XPR1: variants seen among roughly 807,000 people sequenced by gnomAD.
XPR1 encodes the protein solute carrier family 53 member 1.
In XPR1, 28 loss-of-function variants were observed where a neutral mutation model predicts 87.5. The observed-to-expected ratio is 0.32, with a 90% CI of 0.24 to 0.44. The LOEUF is 0.44. Among genes scored for constraint, XPR1 ranks in the 20% least tolerant of loss-of-function variants. The pLI, the probability that XPR1 is intolerant of heterozygous loss-of-function variation, is 1.00. For missense variants in XPR1, 559 were observed against 862.3 expected (o/e 0.65, Z 4.41); for synonymous variants, 300 against 306.1 (o/e 0.98, Z 0.21).
intron 1 of XPR1, among the ~76,000 whole-genome samples, chr1:180,632,626 C>T (rs771450694): frequency 6.6e-6 from 1 of 152,250 alleles, no homozygotes; most frequent in Non-Finnish European, 1.5e-5. Context: ...GCGCTAATCC[C>T]CTTCTCCCCA....
At chr1:180,735,502 T>C (rs1658698727) in intron 2 of XPR1, among the ~76,000 whole-genome samples, 2 of 152,234 alleles carry the variant, frequency 1.3e-5, no homozygotes, top group Non-Finnish European at 2.9e-5. Flanking sequence ...TGAATAATAC[T>C]GTGTCACACC....
intron 2 of XPR1, among the ~76,000 whole-genome samples, chr1:180,758,114 T>TACACACACACACACACACACACACAC (rs71121050): frequency 8.5e-5 from 12 of 141,092 alleles, no homozygotes; most frequent in Non-Finnish European, 1.9e-4. Flanking sequence ...TATAGAAGGA[T>TACACACACACACACACACACACACAC]ACACACACAC....
chr1:180,837,619 A>G (rs1046720204), intron 11 of XPR1, among the ~76,000 whole-genome samples: 5 of 152,200 alleles, frequency 3.3e-5, no homozygotes, highest in Non-Finnish European at 7.3e-5. Context: ...TGATATTTAT[A>G]ATATAATTCC....
chr1:180,696,165 G>GGTGTGT lies in XPR1; in HGVS notation c.121+13793_121+13798dup, dbSNP rs59249501. On this transcript the variant is annotated intron_variant, in intron 2 of 14. Transcript: ENST00000367590. Reference sequence around the variant, plus strand: ...GCCTCCTTCGTTAAATTTATTCCTGGGTGTGTGTGTGTGTGTGTGTGTGTG... The same window carrying GGTGTGT: ...GCCTCCTTCGTTAAATTTATTCCTGGGTGTGTGTGTGTGTGTGTGTGTGTGTGTGTG... Among the ~76,000 whole-genome samples the GGTGTGT allele has an allele frequency of 4.3e-3, 438 of 102,948 alleles. 2 individuals are homozygous for GGTGTGT. Among genetic ancestry groups the GGTGTGT allele is most frequent in the African/African-American group, 4.3e-3 (121 of 28,214 alleles). 67.5% of individuals were successfully genotyped at this position (102,948 alleles called of 152,430 possible). A position where few individuals can be genotyped will look rare whatever the true frequency, so the allele number is the denominator to read the frequency against.
chr1:180,877,827 C>A (rs952018351), intron 13 of XPR1: 2 of 152,144 alleles, frequency 1.3e-5, no homozygotes, highest in Non-Finnish European at 2.9e-5. Flanking sequence ...AAAATGAAAT[C>A]TTTAATGTGC....
At chr1:180,683,902 T>C (rs1656674252) in intron 2 of XPR1, among the ~76,000 whole-genome samples, 1 of 151,976 alleles carries the variant, frequency 6.6e-6, no homozygotes, top group Non-Finnish European at 1.5e-5. Flanking sequence ...TTTTCTCCCA[T>C]TCTGTAGGTT....
rs976201525 is a variant in XPR1, at chr1:180,889,712, T to C, written c.*5646T>C. The C allele has an allele frequency of 6.6e-6, 1 of 152,266 alleles. No homozygotes were observed. The highest frequency in any genetic ancestry group is 2.4e-5 in the African/African-American group (1 of 41,478). 9.4% of individuals were successfully genotyped at this position (152,266 alleles called of 1,614,324 possible). On this transcript the variant is annotated 3_prime_UTR_variant, in exon 15 of 15. Transcript: ENST00000367590. Reference sequence around the variant, plus strand: ...CCATTTTCTGGATTAGCACAGAAGCTTGTATCAATGAAGAGTATTTAGGAG... The same window carrying C: ...CCATTTTCTGGATTAGCACAGAAGCCTGTATCAATGAAGAGTATTTAGGAG...
At chr1:180,717,371 A>G (rs1658031362) in intron 2 of XPR1, among the ~76,000 whole-genome samples, 2 of 152,174 alleles carry the variant, frequency 1.3e-5, no homozygotes, top group Non-Finnish European at 2.9e-5. Context: ...ACTGTTTTTT[A>G]AAACCTGTCA....
intron 1 of XPR1, among the ~76,000 whole-genome samples, chr1:180,659,358 T>C (rs1236919315): frequency 3.0e-5 from 4 of 132,942 alleles, no homozygotes; most frequent in Non-Finnish European, 6.4e-5. Context: ...CTTCCGTCCT[T>C]CCGTCCTTCC....
At chr1:180,803,326 T>G (rs1028417375) in intron 3 of XPR1, 62 bp from the exon 4 acceptor site, 1 of 1,476,762 alleles carries the variant, frequency 6.8e-7, no homozygotes, top group African/African-American at 1.4e-5. Flanking sequence ...TATTAAAAAT[T>G]CAGAAGTCAG....
intron 11 of XPR1, among the ~76,000 whole-genome samples, chr1:180,839,059 C>T (rs1430580022): frequency 6.6e-6 from 1 of 152,134 alleles, no homozygotes; most frequent in East Asian, 1.9e-4. Flanking sequence ...TAAGTAAACT[C>T]AGAAATCTTG....
At chr1:180,775,354 C>CA (rs1648671907) in intron 2 of XPR1, among the ~76,000 whole-genome samples, 1 of 152,004 alleles carries the variant, frequency 6.6e-6, no homozygotes. Flanking sequence ...GAGGCTGAGG[C>CA]AGGGGGATCC....
intron 2 of XPR1, among the ~76,000 whole-genome samples, chr1:180,722,297 T>C (rs1428801031): frequency 2.0e-5 from 3 of 152,140 alleles, no homozygotes. Flanking sequence ...GGTTTCGCCA[T>C]CTTGGTCAGG....
rs1038607681 is a variant in XPR1, at chr1:180,876,859, A to G, written c.1808+2917A>G. ...AAGTGTGTCTGCTGTTCCCACTTTT[A>G]TTTAATATCATCAAAGTATAGCTAG... On this transcript the variant is annotated intron_variant, in intron 13 of 14. Coordinates refer to ENST00000367590, the MANE Select transcript of XPR1 (RefSeq NM_004736.4). Among the ~76,000 whole-genome samples, 10 of 152,254 alleles carry G rather than the reference A, an allele frequency of 6.6e-5. 1 individual carries two copies. The highest frequency in any genetic ancestry group is 2.0e-4 in the Admixed American group (3 of 15,286).
chr1:180,768,849 T>A (rs1648390083), intron 2 of XPR1, among the ~76,000 whole-genome samples: 1 of 152,216 alleles, frequency 6.6e-6, no homozygotes, highest in Non-Finnish European at 1.5e-5. Context: ...AAATGCTTAT[T>A]GGGTTCTTTC....
chr1:180,743,130 T>C (rs1169868722), intron 2 of XPR1, among the ~76,000 whole-genome samples: 1 of 152,074 alleles, frequency 6.6e-6, no homozygotes, highest in Non-Finnish European at 1.5e-5. Context: ...TTTAATGTAA[T>C]GATTGTTATG....
At chr1:180,732,643 T>G (rs1658596727) in intron 2 of XPR1, among the ~76,000 whole-genome samples, 1 of 152,212 alleles carries the variant, frequency 6.6e-6, no homozygotes, top group Non-Finnish European at 1.5e-5. Flanking sequence ...GGTCACGTTG[T>G]GGGGCTCTGA....
chr1:180,769,292 A>C (rs910051641), intron 2 of XPR1, among the ~76,000 whole-genome samples: 4 of 152,020 alleles, frequency 2.6e-5, no homozygotes, highest in Non-Finnish European at 5.9e-5. Context: ...TTTTAAATGT[A>C]CCATTAAATT....
chr1:180,813,092 T>C (rs1650284011), intron 7 of XPR1, among the ~76,000 whole-genome samples: 2 of 148,466 alleles, frequency 1.3e-5, no homozygotes, highest in African/African-American at 4.9e-5. Flanking sequence ...CAAAATTCAT[T>C]CATGGCTACT....
Sources: allele counts gnomAD v4.1 joint callset (sites outside exome capture counted in the v4.1 genomes callset), GRCh38; gene constraint gnomAD v4.1.1; transcripts MANE v1.5; gene names NCBI Gene and HGNC (gene_info 2026-07-23, HGNC 2026-07-21).